Variants in ADAMTSL1 observed in about 807,000 individuals in gnomAD.
ADAMTSL1 encodes the protein ADAMTS like 1, also known as ADAMTS-like protein 1.
A neutral mutation model predicts 201.8 loss-of-function variants in ADAMTSL1; 126 were observed. The observed-to-expected ratio is 0.62, with a 90% CI of 0.54 to 0.72. The LOEUF is 0.72. Among genes scored for constraint, ADAMTSL1 ranks in the 30% least tolerant of loss-of-function variants. The pLI is 0.00. For missense variants in ADAMTSL1, 2,679 were observed against 2,277.8 expected (o/e 1.18, Z -3.59); for synonymous variants, 1,121 against 903.4 (o/e 1.24, Z -4.32).
intron 2 of ADAMTSL1, among the ~76,000 whole-genome samples, chr9:18,260,629 C>T (rs1831881373): frequency 6.6e-6 from 1 of 152,218 alleles, no homozygotes; most frequent in South Asian, 2.1e-4. Context: ...GGGGCCTTGG[C>T]ATTGTTTCTG....
At chr9:17,937,133 CTTAGAAACA>C (rs1287163581) in intron 1 of ADAMTSL1, among the ~76,000 whole-genome samples, 5 of 152,118 alleles carry the variant, frequency 3.3e-5, no homozygotes, top group Non-Finnish European at 5.9e-5. Context: ...GACTACTCAG[CTTAGAAACA>C]TTAGAAACAA....
chr9:18,717,493 C>G (rs1833024186), intron 14 of ADAMTSL1, among the ~76,000 whole-genome samples: 1 of 152,006 alleles, frequency 6.6e-6, no homozygotes, highest in African/African-American at 2.4e-5. Context: ...CCTTAAATTT[C>G]TTTAAAAAAA....
At chr9:18,542,745 G>A (rs1820227391) in intron 3 of ADAMTSL1, among the ~76,000 whole-genome samples, 1 of 152,142 alleles carries the variant, frequency 6.6e-6, no homozygotes, top group South Asian at 2.1e-4. Context: ...GGCAACCCTA[G>A]TCAACTAGTA....
At chr9:18,793,418 A>G (rs926037642) in intron 19 of ADAMTSL1, among the ~76,000 whole-genome samples, 7 of 152,204 alleles carry the variant, frequency 4.6e-5, no homozygotes, top group Admixed American at 3.9e-4. Flanking sequence ...GGCAAGGGAA[A>G]TAGTGAGGAA....
chr9:18,439,997 T>C (rs1339383305), intron 2 of ADAMTSL1, among the ~76,000 whole-genome samples: 1 of 152,210 alleles, frequency 6.6e-6, no homozygotes, highest in Non-Finnish European at 1.5e-5. Context: ...ATTTTAAATT[T>C]GTACTCAATT....
chr9:18,623,865 A>G (rs1046793754), intron 5 of ADAMTSL1, among the ~76,000 whole-genome samples: 1 of 152,210 alleles, frequency 6.6e-6, no homozygotes, highest in African/African-American at 2.4e-5. Context: ...GAGAATGAAT[A>G]TCTTTACTGA....
intron 1 of ADAMTSL1, among the ~76,000 whole-genome samples, chr9:18,485,147 A>G (rs1332461448): frequency 6.6e-6 from 1 of 152,198 alleles, no homozygotes; most frequent in African/African-American, 2.4e-5. Flanking sequence ...GTTATGTAAC[A>G]TGCCTAAGAT....
chr9:18,865,121 T>C (rs1391457945), intron 23 of ADAMTSL1, among the ~76,000 whole-genome samples: 1 of 152,204 alleles, frequency 6.6e-6, no homozygotes, highest in Non-Finnish European at 1.5e-5. Context: ...ACATGTGCCA[T>C]GTTGGTGTGC....
Position 18,606,797 on chromosome 9 carries a change from G to A in ADAMTSL1, c.475-15446G>A, listed in dbSNP as rs574800779. Among the ~76,000 whole-genome samples, 67 of 152,064 alleles carry A rather than the reference G, an allele frequency of 4.4e-4. No homozygotes were observed. The South Asian group carries it at 0.013, about 29-fold the overall frequency. On this transcript the variant is annotated intron_variant, in intron 4 of 28. Coordinates refer to ENST00000380548, the MANE Select transcript of ADAMTSL1 (RefSeq NM_001040272.6). Reference sequence around the variant, plus strand: ...GTTTTCTTATTTATTGCCTCTTCTCGGCCTCAAGTTTGGTAAGTGAGAACC... The same window carrying A: ...GTTTTCTTATTTATTGCCTCTTCTCAGCCTCAAGTTTGGTAAGTGAGAACC...
Position 18,849,397 on chromosome 9 carries a change from A to G in ADAMTSL1, c.4249+19420A>G, listed in dbSNP as rs148478768. 6.0e-3 allele frequency among the ~76,000 whole-genome samples: 921 copies of G among 152,322 alleles called. 9 individuals carry two copies. Among genetic ancestry groups the G allele is most frequent in the African/African-American group, 0.021 (881 of 41,570 alleles). ...ATCCAATTATGTGATAATGCAAACA[A>G]TGACAGTTAGTGAATACCCTGGGCC... On this transcript the variant is annotated intron_variant, in intron 23 of 28. Transcript: ENST00000380548.
intron 20 of ADAMTSL1, among the ~76,000 whole-genome samples, chr9:18,808,393 T>C (rs1478792874): frequency 1.3e-5 from 2 of 152,194 alleles, no homozygotes; most frequent in Non-Finnish European, 2.9e-5. Flanking sequence ...TGCTTTGTCT[T>C]AACAATGGAT....
intron 14 of ADAMTSL1, 89 bp from the exon 15 acceptor site, chr9:18,721,447 C>A (rs527510209): frequency 1.3e-6 from 2 of 1,542,854 alleles, no homozygotes; most frequent in South Asian, 1.2e-5. Context: ...AACACAGGGA[C>A]CTCCCACCAG....
intron 2 of ADAMTSL1, among the ~76,000 whole-genome samples, chr9:18,517,015 C>T (rs1818399889): frequency 6.6e-6 from 1 of 152,176 alleles, no homozygotes; most frequent in Admixed American, 6.5e-5. Context: ...AGGCTTGTAT[C>T]AGGAGAGGTT....
chr9:18,156,001 G>C (rs1017791849), intron 1 of ADAMTSL1, among the ~76,000 whole-genome samples: 1 of 151,982 alleles, frequency 6.6e-6, no homozygotes, highest in Admixed American at 6.6e-5. Context: ...GTGGAGAGAG[G>C]GAAGACAGAG....
At chr9:18,586,179 T>C (rs1208630124) in intron 4 of ADAMTSL1, among the ~76,000 whole-genome samples, 1 of 152,154 alleles carries the variant, frequency 6.6e-6, no homozygotes, top group Non-Finnish European at 1.5e-5. Flanking sequence ...TGATTCTCTG[T>C]CTAGAAAACC....
At chr9:18,837,528 C>G (rs1427071867) in intron 23 of ADAMTSL1, among the ~76,000 whole-genome samples, 2 of 152,196 alleles carry the variant, frequency 1.3e-5, no homozygotes, top group Non-Finnish European at 2.9e-5. Context: ...AGATACTATT[C>G]CCTACCCTGT....
intron 2 of ADAMTSL1, among the ~76,000 whole-genome samples, chr9:18,368,822 A>C (rs988178732): frequency 1.3e-5 from 2 of 152,206 alleles, no homozygotes; most frequent in African/African-American, 2.4e-5. Flanking sequence ...AATTGTAGAC[A>C]TCAAGTAATG....
intron 2 of ADAMTSL1, among the ~76,000 whole-genome samples, chr9:18,262,251 TA>T (rs1157421071): frequency 6.6e-6 from 1 of 152,022 alleles, no homozygotes; most frequent in Non-Finnish European, 1.5e-5. Context: ...GATCATATAT[TA>T]GGGGGTGGTG....
intron 2 of ADAMTSL1, among the ~76,000 whole-genome samples, chr9:18,278,045 C>A (rs1358001269): frequency 1.3e-5 from 2 of 152,046 alleles, no homozygotes; most frequent in Non-Finnish European, 2.9e-5. Context: ...AAAAACTCTC[C>A]ACTTTAATTA....
Sources: allele counts gnomAD v4.1 joint callset (sites outside exome capture counted in the v4.1 genomes callset), GRCh38; gene constraint gnomAD v4.1.1; transcripts MANE v1.5; gene names NCBI Gene and HGNC (gene_info 2026-07-23, HGNC 2026-07-21).